The following MGMT variants were observed in gnomAD, a reference collection of about 807,000 sequenced individuals.
The protein encoded by MGMT is O-6-methylguanine-DNA methyltransferase, also known as methylated-DNA--protein-cysteine methyltransferase.
In MGMT, 14 loss-of-function variants were observed where a neutral mutation model predicts 15.9. That is an observed-to-expected ratio of 0.88 (90% CI 0.58 to 1.37). The LOEUF is 1.37. MGMT is among the 40% of genes most tolerant of loss of function. MGMT has a pLI of 0.00. For synonymous variants in MGMT, 130 were observed against 118.2 expected, an observed-to-expected ratio of 1.10 and a Z score of -0.65; for missense variants, 282 against 268.1, an observed-to-expected ratio of 1.05 and a Z score of -0.36.
At chr10:129,736,998 C>G (rs1160472585) in intron 3 of MGMT, among the ~76,000 whole-genome samples, 5 of 152,120 alleles carry the variant, frequency 3.3e-5, no homozygotes, top group African/African-American at 4.8e-5. Context: ...TAACATTTTT[C>G]CTTCATTTCA....
At chr10:129,552,086 A>C (rs1846163583) in intron 2 of MGMT, among the ~76,000 whole-genome samples, 1 of 152,230 alleles carries the variant, frequency 6.6e-6, no homozygotes, top group African/African-American at 2.4e-5. Context: ...GCCAAAAAAT[A>C]GGTGATTGTT....
At chr10:129,723,609 G>A (rs1848399798) in intron 3 of MGMT, among the ~76,000 whole-genome samples, 1 of 152,194 alleles carries the variant, frequency 6.6e-6, no homozygotes, top group Non-Finnish European at 1.5e-5. Context: ...GCCACAGAAT[G>A]AGAGAAATTT....
At chr10:129,476,819 T>A (rs558273637) in intron 1 of MGMT, among the ~76,000 whole-genome samples, 1 of 152,250 alleles carries the variant, frequency 6.6e-6, no homozygotes, top group Admixed American at 6.5e-5. Flanking sequence ...CTTCTATCTT[T>A]AAGACACCTG....
At chr10:129,689,206 G>A (rs777129387) in intron 2 of MGMT, among the ~76,000 whole-genome samples, 23 of 152,180 alleles carry the variant, frequency 1.5e-4, no homozygotes, top group Non-Finnish European at 2.8e-4. Flanking sequence ...TGGGATTACA[G>A]GTGTGTGCCA....
chr10:129,499,356 C>G (rs1845553300), intron 1 of MGMT, among the ~76,000 whole-genome samples: 1 of 152,188 alleles, frequency 6.6e-6, no homozygotes, highest in Admixed American at 6.5e-5. Flanking sequence ...CACCTTGACT[C>G]TTGGAAAACT....
intron 2 of MGMT, among the ~76,000 whole-genome samples, chr10:129,679,295 G>T (rs1225790834): frequency 2.6e-5 from 4 of 152,116 alleles, no homozygotes. Context: ...GGAAACACCG[G>T]TCCCCTCTGC....
At chr10:129,550,785 G>A (rs189339700) in intron 2 of MGMT, among the ~76,000 whole-genome samples, 71 of 152,216 alleles carry the variant, frequency 4.7e-4, no homozygotes, top group African/African-American at 1.5e-3. Context: ...ACTGAAACCC[G>A]TACCCATTAA....
chr10:129,545,172 A>G (rs1324566172), intron 2 of MGMT, among the ~76,000 whole-genome samples: 1 of 152,166 alleles, frequency 6.6e-6, no homozygotes, highest in East Asian at 1.9e-4. Flanking sequence ...TTCAGGGAAG[A>G]AGTGGGTATT....
chr10:129,550,806 C>T (rs1846148619), intron 2 of MGMT, among the ~76,000 whole-genome samples: 1 of 152,200 alleles, frequency 6.6e-6, no homozygotes, highest in African/African-American at 2.4e-5. Flanking sequence ...ACACTAACTC[C>T]CCATTTCTGC....
At chr10:129,671,240 T>C (rs1463640533) in intron 2 of MGMT, among the ~76,000 whole-genome samples, 1 of 152,244 alleles carries the variant, frequency 6.6e-6, no homozygotes, top group Non-Finnish European at 1.5e-5. Flanking sequence ...TGTGCTGTTA[T>C]CCATACCTTG....
intron 2 of MGMT, among the ~76,000 whole-genome samples, chr10:129,696,101 C>G (rs1015566566): frequency 7.2e-5 from 11 of 152,114 alleles, no homozygotes; most frequent in African/African-American, 2.7e-4. Flanking sequence ...ACTGGGACCT[C>G]TTCACTCCCC....
At chr10:129,633,425 A>G (rs1000981018) in intron 2 of MGMT, among the ~76,000 whole-genome samples, 5 of 152,260 alleles carry the variant, frequency 3.3e-5, no homozygotes, top group African/African-American at 1.2e-4. Context: ...CAACTGTGCC[A>G]TGTGAGAAAA....
intron 3 of MGMT, among the ~76,000 whole-genome samples, chr10:129,737,926 T>G (rs1241997467): frequency 6.6e-6 from 1 of 152,194 alleles, no homozygotes; most frequent in Non-Finnish European, 1.5e-5. Context: ...GATCTGTAGC[T>G]GCGTGCTGGG....
chr10:129,636,754 A>G (rs1173627250), intron 2 of MGMT, among the ~76,000 whole-genome samples: 2 of 152,206 alleles, frequency 1.3e-5, no homozygotes, highest in Non-Finnish European at 2.9e-5. Context: ...TCATATTTGC[A>G]TTTATGAGAA....
chr10:129,727,105 G>A (rs951061183), intron 3 of MGMT, among the ~76,000 whole-genome samples: 6 of 152,198 alleles, frequency 3.9e-5, no homozygotes, highest in Non-Finnish European at 7.3e-5. Context: ...CCATGGGTTA[G>A]CCAGTCTCCA....
chr10:129,663,935 G>T (rs1847628186), intron 2 of MGMT, among the ~76,000 whole-genome samples: 1 of 152,102 alleles, frequency 6.6e-6, no homozygotes, highest in Non-Finnish European at 1.5e-5. Flanking sequence ...CATAAGAAAT[G>T]AAGGGAAACG....
intron 3 of MGMT, among the ~76,000 whole-genome samples, chr10:129,725,238 C>T (rs4434913): frequency 0.053 from 8,013 of 152,298 alleles, 485 homozygotes; most frequent in African/African-American, 0.15. Flanking sequence ...CACACAGAAT[C>T]CACAGCCCAG....
intron 1 of MGMT, among the ~76,000 whole-genome samples, chr10:129,516,899 G>A (rs569295832): frequency 3.9e-5 from 6 of 152,356 alleles, no homozygotes; most frequent in Admixed American, 3.9e-4. Flanking sequence ...CGGTGAAAGT[G>A]GAGACCTTTG....
intron 2 of MGMT, among the ~76,000 whole-genome samples, chr10:129,632,584 C>G (rs545780463): frequency 5.3e-5 from 8 of 152,332 alleles, no homozygotes; most frequent in Admixed American, 3.9e-4. Context: ...TTAAATGCTG[C>G]GTACGTGTCA....
Sources: gnomAD v4.1 joint callset for allele counts (sites outside exome capture counted in the v4.1 genomes callset) on GRCh38, gnomAD v4.1.1 for gene constraint, MANE v1.5 for transcripts, NCBI Gene and HGNC (gene_info 2026-07-23, HGNC 2026-07-21) for gene names.